The following CFAP299 variants were observed in gnomAD, a reference collection of about 807,000 sequenced individuals.
The protein encoded by CFAP299 is cilia- and flagella-associated protein 299.
In CFAP299, 21 loss-of-function variants were observed where a neutral mutation model predicts 27.0. That is an observed-to-expected ratio of 0.78 (90% CI 0.55 to 1.12). The LOEUF (loss-of-function observed/expected upper bound fraction) is 1.12, where lower values mean the gene tolerates loss of function less well. Among genes scored for constraint, CFAP299 ranks in the 50% most tolerant of loss-of-function variants. CFAP299 has a pLI of 0.00. For synonymous variants in CFAP299, 104 were observed against 98.1 expected (o/e 1.06, Z -0.36); for missense variants, 310 against 276.6 (o/e 1.12, Z -0.86).
At chr4:80,925,554 G>C (rs1456550029) in intron 4 of CFAP299, among the ~76,000 whole-genome samples, 1 of 151,874 alleles carries the variant, frequency 6.6e-6, no homozygotes, top group Non-Finnish European at 1.5e-5. Flanking sequence ...CCTCTTAAAA[G>C]TGACAACCCA....
chr4:80,333,016 A>G (rs1289408086), upstream of CFAP299, among the ~76,000 whole-genome samples: 2 of 152,118 alleles, frequency 1.3e-5, no homozygotes, highest in East Asian at 1.9e-4. Flanking sequence ...GTAGTTTTCA[A>G]TCTTTATTAG....
intron 3 of CFAP299, among the ~76,000 whole-genome samples, chr4:80,720,943 A>G (rs2110045481): frequency 6.6e-6 from 1 of 152,304 alleles, no homozygotes; most frequent in Admixed American, 6.5e-5. Context: ...CCAAACTGAA[A>G]TTCTAGAGAT....
intron 4 of CFAP299, among the ~76,000 whole-genome samples, chr4:80,884,079 C>T (rs1204674931): frequency 1.3e-5 from 2 of 152,086 alleles, no homozygotes; most frequent in Admixed American, 6.5e-5. Flanking sequence ...CATGTGGTCT[C>T]GTCATTTAGC....
chr4:80,598,383 A>G (rs1737163934), intron 3 of CFAP299, among the ~76,000 whole-genome samples: 1 of 152,238 alleles, frequency 6.6e-6, no homozygotes, highest in Non-Finnish European at 1.5e-5. Context: ...TGTGCCAGTC[A>G]TGTCACAATA....
intron 3 of CFAP299, among the ~76,000 whole-genome samples, chr4:80,684,420 C>A (rs1359203304): frequency 6.6e-6 from 1 of 152,052 alleles, no homozygotes; most frequent in African/African-American, 2.4e-5. Flanking sequence ...CCTGCTACCA[C>A]GCCCGACTAA....
intron 3 of CFAP299, among the ~76,000 whole-genome samples, chr4:80,767,617 T>TA (rs1422385077): frequency 2.0e-5 from 3 of 151,862 alleles, no homozygotes; most frequent in Admixed American, 6.6e-5. Flanking sequence ...TCAAAAAAAT[T>TA]AAAAAAATAA....
chr4:80,662,793 GA>G (rs1740930165), intron 3 of CFAP299, among the ~76,000 whole-genome samples: 1 of 152,154 alleles, frequency 6.6e-6, no homozygotes, highest in African/African-American at 2.4e-5. Context: ...AGAGAAATGA[GA>G]GTAAGCTGGT....
chr4:80,508,533 C>G (rs982510044), intron 2 of CFAP299, among the ~76,000 whole-genome samples: 2 of 152,148 alleles, frequency 1.3e-5, no homozygotes, highest in African/African-American at 4.8e-5. Flanking sequence ...ATTCTCCTCA[C>G]TTTTTCAGCT....
At chr4:80,578,921 A>C (rs1736020790) in intron 2 of CFAP299, among the ~76,000 whole-genome samples, 1 of 152,224 alleles carries the variant, frequency 6.6e-6, no homozygotes, top group Non-Finnish European at 1.5e-5. Flanking sequence ...ATTTCACCTA[A>C]GGTTAAATTC....
chr4:80,453,464 G>A (rs1259878179), intron 2 of CFAP299, among the ~76,000 whole-genome samples: 4 of 151,988 alleles, frequency 2.6e-5, no homozygotes. Flanking sequence ...GTGTGGCATG[G>A]TAATGTAAAT....
In CFAP299 at chr4:80,335,819, C is replaced by G. The variant is rs774070900; in HGVS notation, c.51C>G (p.Phe17Leu). Residue 17 changes from phenylalanine (F) to leucine (L), a missense_variant, in exon 1 of 6, where the codon TTC becomes TTG. By Grantham distance (22) the Phe-to-Leu change is conservative. Transcript: ENST00000358105. ...LKALDNIVTQ[F>L]NAYEDFLDSQ... ...CCTTGGACAATATTGTCACTCAATT[C>G]AACGCCTATGAAGATTTCCTGGACT... The G allele has an allele frequency of 8.7e-6, 14 of 1,613,832 alleles. No individual in the cohort carries two copies. The highest frequency in any genetic ancestry group is 1.7e-5 in the Admixed American group (1 of 60,014).
intron 3 of CFAP299, among the ~76,000 whole-genome samples, chr4:80,742,805 A>C (rs1261318907): frequency 1.3e-5 from 2 of 152,192 alleles, no homozygotes; most frequent in African/African-American, 2.4e-5. Flanking sequence ...CAAAAGTGGA[A>C]TGTTGATCTT....
chr4:80,718,257 G>GA (rs1329988095), intron 3 of CFAP299, among the ~76,000 whole-genome samples: 1 of 152,072 alleles, frequency 6.6e-6, no homozygotes, highest in African/African-American at 2.4e-5. Flanking sequence ...CTCAGGGAAG[G>GA]AAAAGCATGG....
At chr4:80,554,493 C>T (rs114649475) in intron 2 of CFAP299, among the ~76,000 whole-genome samples, 151 of 140,114 alleles carry the variant, frequency 1.1e-3, no homozygotes, top group African/African-American at 3.3e-3. Context: ...AGTCTATATA[C>T]GTTTTCCACT....
intron 5 of CFAP299, among the ~76,000 whole-genome samples, chr4:80,956,453 T>C (rs978980865): frequency 1.9e-4 from 29 of 152,078 alleles, no homozygotes; most frequent in Non-Finnish European, 4.0e-4. Flanking sequence ...TATATATTTA[T>C]TTTAGAGACA....
At chr4:80,343,002 C>G (rs1450900974) in intron 1 of CFAP299, among the ~76,000 whole-genome samples, 1 of 151,966 alleles carries the variant, frequency 6.6e-6, no homozygotes, top group Non-Finnish European at 1.5e-5. Context: ...AAATGGAAAA[C>G]AGAAAAAAGC....
intron 4 of CFAP299, 187 bp downstream of exon 4, chr4:80,870,322 C>T (rs1351274173): frequency 6.3e-5 from 79 of 1,249,238 alleles, no homozygotes; most frequent in Non-Finnish European, 7.8e-5. Context: ...CTTTAACAGC[C>T]TGAGAAAAAG....
intron 3 of CFAP299, among the ~76,000 whole-genome samples, chr4:80,613,539 C>T (rs188138403): frequency 5.7e-4 from 87 of 152,142 alleles, no homozygotes; most frequent in African/African-American, 2.0e-3. Context: ...ACACTTTTTC[C>T]TCCCTGAACC....
intron 3 of CFAP299, among the ~76,000 whole-genome samples, chr4:80,759,194 C>A (rs1560737039): frequency 6.6e-6 from 1 of 151,938 alleles, no homozygotes; most frequent in Non-Finnish European, 1.5e-5. Context: ...TGATAAATAT[C>A]TCTTATGTAC....
Sources: allele counts gnomAD v4.1 joint callset (sites outside exome capture counted in the v4.1 genomes callset), GRCh38; gene constraint gnomAD v4.1.1; transcripts MANE v1.5; gene names NCBI Gene and HGNC (gene_info 2026-07-23, HGNC 2026-07-21).